GABBR2: variants seen among roughly 807,000 people sequenced by gnomAD.
GABBR2 encodes the protein gamma-aminobutyric acid type B receptor subunit 2, also known as G-protein coupled receptor 51.
GABBR2 carries 23 observed loss-of-function variants against 105.6 expected under a neutral mutation model. The observed-to-expected ratio is 0.22, with a 90% CI of 0.16 to 0.31. GABBR2 has a LOEUF of 0.31. Ranked by LOEUF, GABBR2 falls within the 10% of genes least tolerant of loss-of-function variation. GABBR2 has a pLI of 1.00. For missense variants in GABBR2, 734 were observed against 1,245.5 expected (o/e 0.59, Z 6.18); for synonymous variants, 478 against 499.7 (o/e 0.96, Z 0.58).
At chr9:98,425,029 A>T (rs962635184) in intron 7 of GABBR2, among the ~76,000 whole-genome samples, 1 of 152,162 alleles carries the variant, frequency 6.6e-6, no homozygotes, top group Non-Finnish European at 1.5e-5. Flanking sequence ...CGCCAAGTCA[A>T]TCCTAAGCCA....
chr9:98,617,603 GCA>G (rs1829605253), intron 1 of GABBR2, among the ~76,000 whole-genome samples: 1 of 152,190 alleles, frequency 6.6e-6, no homozygotes, highest in Non-Finnish European at 1.5e-5. Flanking sequence ...GGAACCTCCT[GCA>G]CAGTCAGAGA....
intron 7 of GABBR2, among the ~76,000 whole-genome samples, chr9:98,408,590 G>T (rs1832529728): frequency 6.6e-6 from 1 of 152,180 alleles, no homozygotes; most frequent in South Asian, 2.1e-4. Context: ...TTATTAAAAG[G>T]TGGTCAATTT....
At chr9:98,297,379 G>A (rs28571755) in intron 17 of GABBR2, among the ~76,000 whole-genome samples, 9 of 152,150 alleles carry the variant, frequency 5.9e-5, no homozygotes, top group African/African-American at 2.2e-4. Context: ...GGGAGGCTGA[G>A]GTGGGTGGAT....
chr9:98,334,418 G>A (rs1831079630), intron 13 of GABBR2, among the ~76,000 whole-genome samples: 1 of 152,212 alleles, frequency 6.6e-6, no homozygotes, highest in Non-Finnish European at 1.5e-5. Context: ...CAGTTCTCAT[G>A]CGTAGCAAGC....
chr9:98,313,280 G>A (rs1830662950), intron 13 of GABBR2, among the ~76,000 whole-genome samples: 3 of 152,102 alleles, frequency 2.0e-5, no homozygotes, highest in African/African-American at 7.2e-5. Flanking sequence ...TTTCTCCAAG[G>A]AGTCCTTGTT....
intron 3 of GABBR2, chr9:98,516,184 A>AT (rs776676611): frequency 6.6e-6 from 1 of 152,402 alleles, no homozygotes; most frequent in African/African-American, 2.4e-5. Flanking sequence ...AGAACTGGAC[A>AT]TATCCAGGAA....
intron 1 of GABBR2, among the ~76,000 whole-genome samples, chr9:98,603,769 C>T (rs1829375523): frequency 6.6e-6 from 1 of 152,154 alleles, no homozygotes; most frequent in South Asian, 2.1e-4. Context: ...CAAAACAGAC[C>T]TTCCAGGGTA....
At chr9:98,529,596 G>C (rs1828026855) in intron 3 of GABBR2, among the ~76,000 whole-genome samples, 1 of 152,100 alleles carries the variant, frequency 6.6e-6, no homozygotes, top group Non-Finnish European at 1.5e-5. Context: ...TCTGCATTGA[G>C]TTCATATCCA....
intron 1 of GABBR2, among the ~76,000 whole-genome samples, chr9:98,668,454 T>G (rs1173175009): frequency 1.3e-5 from 2 of 152,194 alleles, no homozygotes; most frequent in African/African-American, 4.8e-5. Flanking sequence ...AGATTGGAGG[T>G]TGGGGAGTAG....
chr9:98,297,980 T>G (rs1044459547), intron 17 of GABBR2, among the ~76,000 whole-genome samples: 2 of 150,358 alleles, frequency 1.3e-5, no homozygotes, highest in Non-Finnish European at 2.9e-5. Context: ...GTGAGAAGGT[T>G]GCAGTGAGCT....
intron 7 of GABBR2, among the ~76,000 whole-genome samples, chr9:98,445,510 C>T (rs1481916363): frequency 6.6e-6 from 1 of 152,254 alleles, no homozygotes; most frequent in African/African-American, 2.4e-5. Flanking sequence ...CAGGGAATCA[C>T]ATGTCAGTAA....
At chr9:98,424,685 A>G (rs1219553764) in intron 7 of GABBR2, among the ~76,000 whole-genome samples, 1 of 150,182 alleles carries the variant, frequency 6.7e-6, no homozygotes, top group African/African-American at 2.4e-5. Flanking sequence ...TTATACACCA[A>G]TAACAGACAA....
chr9:98,346,042 A>T (rs1374471409), intron 13 of GABBR2, among the ~76,000 whole-genome samples: 1 of 152,236 alleles, frequency 6.6e-6, no homozygotes, highest in African/African-American at 2.4e-5. Context: ...GTGAGTGGTA[A>T]TCTTTTCGTT....
chr9:98,452,781 T>A (rs1826254244), intron 7 of GABBR2, among the ~76,000 whole-genome samples: 1 of 152,224 alleles, frequency 6.6e-6, no homozygotes, highest in Non-Finnish European at 1.5e-5. Context: ...AACTTGAGGC[T>A]CAGAGCAAGT....
chr9:98,637,665 C>G (rs1451140576), intron 1 of GABBR2, among the ~76,000 whole-genome samples: 1 of 152,050 alleles, frequency 6.6e-6, no homozygotes, highest in Non-Finnish European at 1.5e-5. Flanking sequence ...CTTTGAAGAT[C>G]CAAGGGGACC....
chr9:98,498,497 A>T (rs928454776), intron 3 of GABBR2, among the ~76,000 whole-genome samples: 1 of 152,224 alleles, frequency 6.6e-6, no homozygotes, highest in African/African-American at 2.4e-5. Flanking sequence ...ATGTCACAGG[A>T]TGGTCAACAC....
chr9:98,544,587 C>T (rs1828367313), intron 2 of GABBR2, among the ~76,000 whole-genome samples: 1 of 152,116 alleles, frequency 6.6e-6, no homozygotes, highest in Non-Finnish European at 1.5e-5. Context: ...TCAGAGTTGT[C>T]TGGCCTTGGA....
At chr9:98,397,484 G>T (rs1001009665) in intron 8 of GABBR2, among the ~76,000 whole-genome samples, 3 of 152,068 alleles carry the variant, frequency 2.0e-5, no homozygotes, top group African/African-American at 7.2e-5. Flanking sequence ...ATTGATAAGA[G>T]GGTTAAAGAC....
At position 98,293,891 on chromosome 9, in the gene GABBR2, C is replaced by A. The variant is rs1051260334; in HGVS notation, c.2554G>T (p.Ala852Ser). The A allele has an allele frequency of 2.9e-5, 46 of 1,601,456 alleles. No individual in the cohort carries two copies. The highest frequency in any genetic ancestry group is 3.9e-5 in the Non-Finnish European group (45 of 1,168,670). The change falls in exon 18 of 19, where the codon GCC becomes TCC. Residue 852 changes from alanine to serine, a missense_variant. By Grantham distance (99) the Ala-to-Ser change is moderately conservative. Around this residue, in one of 7 missense-constraint regions of GABBR2, gnomAD observed 134 missense variants for 171.2 expected, o/e 0.78. Coordinates refer to ENST00000259455, the MANE Select transcript of GABBR2 (RefSeq NM_005458.8). ...NFTESTDGGK[A>S]ILKNHLDQNP... ...TGATCGAGGTGATTTTTTAAAATGGCCTTTCCTCCATCTGAATGCAAAACA... is the reference window on the plus strand; with the variant it reads ...TGATCGAGGTGATTTTTTAAAATGGACTTTCCTCCATCTGAATGCAAAACA...
Sources: allele counts gnomAD v4.1 joint callset (sites outside exome capture counted in the v4.1 genomes callset), GRCh38; gene constraint gnomAD v4.1.1; regional missense constraint gnomAD v4.1.1; transcripts MANE v1.5; gene names NCBI Gene and HGNC (gene_info 2026-07-23, HGNC 2026-07-21).